Variants in ADARB2 observed in about 807,000 individuals in gnomAD.
ADARB2 encodes the protein inactive double-stranded RNA-specific editase B2.
In ADARB2, 25 loss-of-function variants were observed where a neutral mutation model predicts 62.2. That is an observed-to-expected ratio of 0.40 (90% CI 0.29 to 0.56). The LOEUF is 0.56. Ranked by LOEUF, ADARB2 falls within the 20% of genes least tolerant of loss-of-function variation. ADARB2 has a pLI of 0.43. For missense variants in ADARB2, 1,071 were observed against 1,077.4 expected, an observed-to-expected ratio of 0.99 and a Z score of 0.08; for synonymous variants, 572 against 500.8, an observed-to-expected ratio of 1.14 and a Z score of -1.90.
chr10:1,251,904 A>T (rs1159572951), intron 4 of ADARB2, among the ~76,000 whole-genome samples: 1 of 152,236 alleles, frequency 6.6e-6, no homozygotes, highest in Non-Finnish European at 1.5e-5. Context: ...CTGGAGGCAG[A>T]GTGCAGCCCT....
chr10:1,661,002 C>A (rs899675363), intron 1 of ADARB2, among the ~76,000 whole-genome samples: 3 of 152,080 alleles, frequency 2.0e-5, no homozygotes, highest in Non-Finnish European at 4.4e-5. Flanking sequence ...CTGAGATAAC[C>A]TCGTCTCCAA....
rs529173367 is a variant in ADARB2 at position 1,546,706 on chromosome 10, T to C, written c.101-167546A>G. ...CCGGCTGGAGGATGGTAATGATGTT[T>C]AGGAGATCACAGCTGGGCAAAGGGT... On this transcript the variant is annotated intron_variant, in intron 1 of 9. Coordinates refer to ENST00000381312, the MANE Select transcript of ADARB2 (RefSeq NM_018702.4). 4.6e-5 allele frequency among the ~76,000 whole-genome samples: 7 copies of C among 152,362 alleles called. No individual in the cohort carries two copies. In the South Asian group the frequency reaches 1.4e-3, roughly 32 times the overall value.
intron 3 of ADARB2, among the ~76,000 whole-genome samples, chr10:1,341,389 G>A (rs189909612): frequency 1.7e-4 from 25 of 147,986 alleles, no homozygotes; most frequent in African/African-American, 6.3e-4. Flanking sequence ...AGAACCACAT[G>A]CCCCACAGCG....
intron 4 of ADARB2, among the ~76,000 whole-genome samples, chr10:1,270,028 A>C (rs1239353097): frequency 6.6e-6 from 1 of 152,172 alleles, no homozygotes; most frequent in East Asian, 1.9e-4. Flanking sequence ...ACCCAGCTAC[A>C]TTGTAAGAAA....
chr10:1,351,082 G>T (rs979038180), intron 3 of ADARB2, among the ~76,000 whole-genome samples: 4 of 152,090 alleles, frequency 2.6e-5, no homozygotes, highest in African/African-American at 9.7e-5. Flanking sequence ...TTCCTCCTAA[G>T]CCGTGTCCCA....
intron 1 of ADARB2, chr10:1,678,381 G>C: frequency 1.0e-6 from 1 of 972,592 alleles, no homozygotes; most frequent in Non-Finnish European, 1.2e-6. Context: ...GAGCATCCTC[G>C]GGCTGAGTGT....
At chr10:1,703,090 C>A (rs77403349) in intron 1 of ADARB2, among the ~76,000 whole-genome samples, 4,005 of 152,238 alleles carry the variant, frequency 0.026, 78 homozygotes, top group Middle Eastern at 0.058. Flanking sequence ...GAGAAGCAGA[C>A]CCGTTCACTG....
chr10:1,538,146 G>A (rs896329669), intron 1 of ADARB2, among the ~76,000 whole-genome samples: 1 of 152,202 alleles, frequency 6.6e-6, no homozygotes, highest in Non-Finnish European at 1.5e-5. Context: ...CTGAGCACCT[G>A]CCTGCCTCCC....
chr10:1,503,271 C>T (rs1180862919), intron 1 of ADARB2, among the ~76,000 whole-genome samples: 2 of 151,868 alleles, frequency 1.3e-5, no homozygotes, highest in South Asian at 2.1e-4. Flanking sequence ...ATTTCAACGT[C>T]TGCCTCCCAG....
At chr10:1,241,260 A>G (rs558149304) in intron 5 of ADARB2, among the ~76,000 whole-genome samples, 1 of 151,920 alleles carries the variant, frequency 6.6e-6, no homozygotes, top group South Asian at 2.1e-4. Flanking sequence ...CTCCATCTCA[A>G]AAAAAAAGAA....
At chr10:1,391,871 C>T (rs56272559) in intron 1 of ADARB2, among the ~76,000 whole-genome samples, 41,087 of 145,788 alleles carry the variant, frequency 0.28, 6,654 homozygotes, top group Middle Eastern at 0.4. Flanking sequence ...ACCTCCTGGG[C>T]TCAAGCGATC....
chr10:1,510,091 C>CTTTTCTTTCTT (rs1831905538), intron 1 of ADARB2, among the ~76,000 whole-genome samples: 3 of 141,560 alleles, frequency 2.1e-5, no homozygotes, highest in South Asian at 2.3e-4. Flanking sequence ...TTCTCTCTCT[C>CTTTTCTTTCTT]TCTCTTTTCT....
Position 1,282,788 on chromosome 10 carries a change from A to G in ADARB2, c.1078-11719T>C, listed in dbSNP as rs368170018. On this transcript the variant is annotated intron_variant, in intron 3 of 9. Coordinates refer to ENST00000381312, the MANE Select transcript of ADARB2 (RefSeq NM_018702.4). ...CATGGGCCTGCAAGGGGTTCATTTC[A>G]TCTCCTAGGATGGATAAATGCATTC... Among the ~76,000 whole-genome samples, 151 of 152,200 alleles carry G rather than the reference A, an allele frequency of 9.9e-4. 1 individual carries two copies. Among genetic ancestry groups the G allele is most frequent in the African/African-American group, 3.4e-3 (140 of 41,448 alleles).
intron 1 of ADARB2, among the ~76,000 whole-genome samples, chr10:1,522,317 A>G (rs774495372): frequency 6.6e-6 from 1 of 152,162 alleles, no homozygotes; most frequent in Non-Finnish European, 1.5e-5. Flanking sequence ...CTCACAAACT[A>G]TAGGAATCTG....
At chr10:1,473,292 G>C (rs1014967726) in intron 1 of ADARB2, among the ~76,000 whole-genome samples, 82 of 152,328 alleles carry the variant, frequency 5.4e-4, no homozygotes, top group African/African-American at 1.8e-3. Context: ...CTTCTGAGGA[G>C]GCAAGAATTG....
At chr10:1,427,396 C>G (rs1832901306) in intron 1 of ADARB2, among the ~76,000 whole-genome samples, 1 of 152,148 alleles carries the variant, frequency 6.6e-6, no homozygotes, top group Non-Finnish European at 1.5e-5. Context: ...TCGGCAATAC[C>G]ATTAGAAACG....
chr10:1,211,348 G>T (rs955926896), intron 7 of ADARB2, among the ~76,000 whole-genome samples: 3 of 151,704 alleles, frequency 2.0e-5, no homozygotes, highest in African/African-American at 4.8e-5. Context: ...ATGTATGCCT[G>T]CTATGTGCTG....
chr10:1,362,416 C>T (rs764828075), intron 3 of ADARB2, among the ~76,000 whole-genome samples: 2 of 152,234 alleles, frequency 1.3e-5, no homozygotes, highest in African/African-American at 2.4e-5. Flanking sequence ...CACCTCCAAC[C>T]GGTAACGCCC....
At chr10:1,579,197 G>T (rs2131999099) in intron 1 of ADARB2, among the ~76,000 whole-genome samples, 1 of 152,296 alleles carries the variant, frequency 6.6e-6, no homozygotes, top group Non-Finnish European at 1.5e-5. Flanking sequence ...CCTGTCATCT[G>T]GGAATGTCGG....
Sources: allele counts gnomAD v4.1 joint callset (sites outside exome capture counted in the v4.1 genomes callset), GRCh38; gene constraint gnomAD v4.1.1; transcripts MANE v1.5; gene names NCBI Gene and HGNC (gene_info 2026-07-23, HGNC 2026-07-21).